YEATS4: variants seen among roughly 807,000 people sequenced by gnomAD.
YEATS4 encodes the protein YEATS domain containing 4.
A neutral mutation model predicts 30.1 loss-of-function variants in YEATS4; 17 were observed. The observed-to-expected ratio is 0.56, with a 90% confidence interval of 0.39 to 0.85. YEATS4 has a LOEUF of 0.85. Among genes scored for constraint, YEATS4 ranks in the 40% least tolerant of loss-of-function variants. The pLI is 0.00. For missense variants in YEATS4, 142 were observed against 268.3 expected (o/e 0.53, Z 3.29); for synonymous variants, 85 against 87.5 (o/e 0.97, Z 0.16).
the YEATS4 span, among the ~76,000 whole-genome samples, chr12:69,421,230 T>C: frequency 6.6e-6 from 1 of 152,124 alleles, no homozygotes; most frequent in Non-Finnish European, 1.5e-5. Flanking sequence ...TTTGGTATTA[T>C]AAATAATGCT....
intron 6 of YEATS4, among the ~76,000 whole-genome samples, chr12:69,385,855 C>T (rs1411511444): frequency 6.6e-6 from 1 of 152,128 alleles, no homozygotes; most frequent in African/African-American, 2.4e-5. Flanking sequence ...GAGGAAGATA[C>T]TATGATTAGC....
At chr12:69,367,596 G>A (rs1198578831) in intron 4 of YEATS4, among the ~76,000 whole-genome samples, 3 of 152,108 alleles carry the variant, frequency 2.0e-5, no homozygotes, top group African/African-American at 7.2e-5. Context: ...AAACTCCTGG[G>A]CTCAAGCATT....
chr12:69,418,268 GT>G, the YEATS4 span, among the ~76,000 whole-genome samples: 1 of 152,022 alleles, frequency 6.6e-6, no homozygotes, highest in African/African-American at 2.4e-5. Context: ...ATAAAGTAAT[GT>G]GGTGAAACCC....
At chr12:69,371,592 A>G (rs1454086433) in intron 6 of YEATS4, among the ~76,000 whole-genome samples, 2 of 152,214 alleles carry the variant, frequency 1.3e-5, no homozygotes, top group African/African-American at 4.8e-5. Flanking sequence ...CTGTTCAGTC[A>G]TTTCTTTGAT....
chr12:69,364,512 A>G (rs564941020), intron 2 of YEATS4, among the ~76,000 whole-genome samples: 1 of 152,318 alleles, frequency 6.6e-6, no homozygotes, highest in Non-Finnish European at 1.5e-5. Context: ...TTTATTTGCC[A>G]TAACTAATGA....
chr12:69,396,244 T>C, the YEATS4 span, among the ~76,000 whole-genome samples: 1 of 152,244 alleles, frequency 6.6e-6, no homozygotes, highest in Non-Finnish European at 1.5e-5. Context: ...GTCTGCTTAT[T>C]CACTAAATGA....
At chr12:69,424,209 A>G in the YEATS4 span, among the ~76,000 whole-genome samples, 9 of 152,346 alleles carry the variant, frequency 5.9e-5, no homozygotes, top group African/African-American at 1.7e-4. Flanking sequence ...TGTATGGTTT[A>G]AATCATGATT....
the YEATS4 span, among the ~76,000 whole-genome samples, chr12:69,419,513 C>A: frequency 6.6e-6 from 1 of 152,130 alleles, no homozygotes; most frequent in Non-Finnish European, 1.5e-5. Flanking sequence ...TGAGCCACCA[C>A]CTGGCCTCAG....
At chr12:69,392,758 G>T (rs1489392663), downstream of YEATS4, among the ~76,000 whole-genome samples, 1 of 152,184 alleles carries the variant, frequency 6.6e-6, no homozygotes, top group Non-Finnish European at 1.5e-5. Flanking sequence ...GAGTCAACCA[G>T]CAGTTACTCA....
chr12:69,382,647 C>T (rs189419119), intron 6 of YEATS4, among the ~76,000 whole-genome samples: 77 of 152,286 alleles, frequency 5.1e-4, no homozygotes, highest in African/African-American at 1.7e-3. Context: ...AGGGCCAAGG[C>T]GTGGAATTGG....
chr12:69,360,086 C>G lies in YEATS4; in HGVS notation c.51+63C>G, dbSNP rs959442090. 5.1e-6 allele frequency: 8 copies of G among 1,569,904 alleles called. No homozygotes were observed. The African/African-American group carries it at 1.1e-4, about 21-fold the overall frequency. ...CCCGCCTCGGTTCCTCCCTGCGCGG[C>G]GCGGGGAGGGCCCACTGGGTTTCCT... On this transcript the variant is annotated intron_variant, in intron 1 of 6. Coordinates refer to ENST00000247843, the MANE Select transcript of YEATS4 (RefSeq NM_006530.4).
At chr12:69,402,061 G>A in the YEATS4 span, among the ~76,000 whole-genome samples, 5 of 152,182 alleles carry the variant, frequency 3.3e-5, no homozygotes, top group Non-Finnish European at 7.3e-5. Context: ...CTTGGTAAGT[G>A]TGTGTAAAGC....
Position 69,362,850 on chromosome 12 carries a change from A to G in YEATS4, c.114A>G (p.Arg38=). 1 of 1,612,888 alleles carries G rather than the reference A, an allele frequency of 6.2e-7. No homozygotes were observed. Among genetic ancestry groups the G allele is most frequent in the Non-Finnish European group, 8.5e-7 (1 of 1,179,240 alleles). Reference sequence around the variant, plus strand: ...TTGCTCGGTATTTTGGAAAGAAAAGAGAAGAAGATGGGCACACTCATCAGT... The same window carrying G: ...TTGCTCGGTATTTTGGAAAGAAAAGGGAAGAAGATGGGCACACTCATCAGT... ...GNVARYFGKK[R]EEDGHTHQWT... Residue 38 remains arginine, a synonymous_variant, in exon 2 of 7, where the codon AGA becomes AGG. Coordinates refer to ENST00000247843, the MANE Select transcript of YEATS4 (RefSeq NM_006530.4).
At chr12:69,365,759 C>T (rs780119873) in intron 3 of YEATS4, 31 bp from the exon 4 acceptor site, 21 of 1,536,988 alleles carry the variant, frequency 1.4e-5, no homozygotes, top group South Asian at 2.3e-5. Flanking sequence ...GAAACTAAAC[C>T]GATAATTTAC....
At chr12:69,393,210 G>A (rs181630444), downstream of YEATS4, among the ~76,000 whole-genome samples, 39 of 152,276 alleles carry the variant, frequency 2.6e-4, 1 homozygote, top group African/African-American at 8.7e-4. Context: ...CACTTTGTGG[G>A]GCTGAGGATC....
At chr12:69,407,195 C>T in the YEATS4 span, among the ~76,000 whole-genome samples, 2 of 150,156 alleles carry the variant, frequency 1.3e-5, no homozygotes, top group Non-Finnish European at 3.0e-5. Flanking sequence ...CGGCTCAAGA[C>T]GTTCACAACT....
intron 1 of YEATS4, among the ~76,000 whole-genome samples, chr12:69,360,733 T>G (rs1032290849): frequency 2.6e-5 from 4 of 151,440 alleles, no homozygotes; most frequent in Non-Finnish European, 5.9e-5. Flanking sequence ...TGGCACGATC[T>G]CGGCTCACTG....
In YEATS4 at chr12:69,370,708, A is replaced by G. The variant is rs139777148; in HGVS notation, c.336A>G (p.Val112=). ...IFFIDPNERP[V]TLYHLLKLFQ... ...TGACATCTGTTTCTATTTCACAGGTAACCCTGTATCATTTGCTAAAGCTGT... is the reference window on the plus strand; with the variant it reads ...TGACATCTGTTTCTATTTCACAGGTGACCCTGTATCATTTGCTAAAGCTGT... The change falls in exon 5 of 7, where the codon GTA becomes GTG. Residue 112 remains valine (V), a splice_region_variant and synonymous_variant. Coordinates refer to ENST00000247843, the MANE Select transcript of YEATS4 (RefSeq NM_006530.4). 1.2e-4 allele frequency: 186 copies of G among 1,551,200 alleles called. No individual in the cohort carries two copies. Among genetic ancestry groups the G allele is most frequent in the Non-Finnish European group, 1.5e-4 (178 of 1,156,386 alleles).
At chr12:69,387,141 T>C (rs1868261783) in intron 6 of YEATS4, among the ~76,000 whole-genome samples, 1 of 151,890 alleles carries the variant, frequency 6.6e-6, no homozygotes, top group Non-Finnish European at 1.5e-5. Context: ...CTCTTACAAA[T>C]CAATAAGAAA....
Sources: gnomAD v4.1 joint callset for allele counts (sites outside exome capture counted in the v4.1 genomes callset) on GRCh38, gnomAD v4.1.1 for gene constraint, MANE v1.5 for transcripts, NCBI Gene and HGNC (gene_info 2026-07-23, HGNC 2026-07-21) for gene names.